Variants in QTGAL observed in about 807,000 individuals in gnomAD.
QTGAL encodes BGnT-like protein 1.
At chr17:82,994,188 T>C in the QTGAL span, among the ~76,000 whole-genome samples, 1 of 151,224 alleles carries the variant, frequency 6.6e-6, no homozygotes, top group Admixed American at 6.6e-5. Context: ...ATAAAGAAAA[T>C]ACAAAAGATC....
chr17:82,969,163 ATTTTG>A, the QTGAL span, among the ~76,000 whole-genome samples: 1 of 150,572 alleles, frequency 6.6e-6, no homozygotes, highest in Non-Finnish European at 1.5e-5. Context: ...AAGAAAATTT[ATTTTG>A]TTTTGTTTTG....
the QTGAL span, among the ~76,000 whole-genome samples, chr17:83,019,526 G>A: frequency 6.6e-6 from 1 of 152,210 alleles, no homozygotes; most frequent in African/African-American, 2.4e-5. Flanking sequence ...GTGGCAGCCA[G>A]AGGCTGGGGC....
the QTGAL span, among the ~76,000 whole-genome samples, chr17:82,997,943 A>ATATC: frequency 1.8e-4 from 27 of 148,404 alleles, no homozygotes; most frequent in East Asian, 1.6e-3. Flanking sequence ...ATATATATAT[A>ATATC]TATATCTATA....
the QTGAL span, among the ~76,000 whole-genome samples, chr17:83,003,192 C>G: frequency 3.1e-5 from 1 of 31,960 alleles, no homozygotes; most frequent in Admixed American, 2.8e-4. Context: ...CCGCCCTCCG[C>G]GTGTGGGATT....
the QTGAL span, among the ~76,000 whole-genome samples, chr17:82,953,849 G>A: frequency 3.3e-5 from 5 of 152,152 alleles, no homozygotes; most frequent in South Asian, 2.1e-4. Flanking sequence ...TTCAATATAC[G>A]CAAATCAATA....
the QTGAL span, chr17:82,946,920 A>C: frequency 6.4e-7 from 1 of 1,568,650 alleles, no homozygotes; most frequent in Non-Finnish European, 8.7e-7. Flanking sequence ...AAGTGAAGGA[A>C]GTCCTGGCCC....
the QTGAL span, among the ~76,000 whole-genome samples, chr17:82,982,402 C>A: frequency 6.6e-6 from 1 of 152,302 alleles, no homozygotes; most frequent in East Asian, 1.9e-4. Flanking sequence ...GGTCTTATGT[C>A]CAGAAGAAAA....
At chr17:82,988,838 A>G in the QTGAL span, among the ~76,000 whole-genome samples, 6 of 152,224 alleles carry the variant, frequency 3.9e-5, no homozygotes, top group Non-Finnish European at 5.9e-5. Context: ...CGATTTTTTA[A>G]AAATCAAGAA....
chr17:82,957,840 A>C, the QTGAL span, among the ~76,000 whole-genome samples: 14,620 of 152,214 alleles, frequency 0.096, 869 homozygotes, highest in South Asian at 0.24. Flanking sequence ...TTTGTCCATA[A>C]GGACACATGC....
the QTGAL span, among the ~76,000 whole-genome samples, chr17:82,973,088 C>T: frequency 1.3e-5 from 2 of 152,244 alleles, no homozygotes; most frequent in Non-Finnish European, 2.9e-5. Flanking sequence ...GCCATGTGCA[C>T]AGCCTTGGGG....
At chr17:83,037,975 C>G in the QTGAL span, among the ~76,000 whole-genome samples, 2 of 151,972 alleles carry the variant, frequency 1.3e-5, no homozygotes, top group African/African-American at 4.8e-5. This position sits in a 1 kb window ranked among gnomAD's most constrained non-coding sequence, Gnocchi z 5.2. Context: ...CACACGGCGG[C>G]GAGATATTAA....
chr17:82,980,757 C>T, the QTGAL span, among the ~76,000 whole-genome samples: 1 of 152,146 alleles, frequency 6.6e-6, no homozygotes, highest in Non-Finnish European at 1.5e-5. Flanking sequence ...TGGAAGTCCC[C>T]GAGGCTCGTC....
the QTGAL span, among the ~76,000 whole-genome samples, chr17:82,953,812 A>G: frequency 0.022 from 3,421 of 152,250 alleles, 150 homozygotes; most frequent in African/African-American, 0.078. Context: ...TGATCAAGTC[A>G]GCTTCATCCC....
At chr17:82,965,693 T>G in the QTGAL span, 1 of 1,612,392 alleles carries the variant, frequency 6.2e-7, no homozygotes, top group Non-Finnish European at 8.5e-7. Context: ...AGAACCACGC[T>G]CGCGAGCAGA....
chr17:82,968,464 T>A, the QTGAL span, among the ~76,000 whole-genome samples: 2 of 147,786 alleles, frequency 1.4e-5, no homozygotes, highest in Non-Finnish European at 3.0e-5. Flanking sequence ...CAGTCACCAG[T>A]GTGCACGGTG....
chr17:82,997,926 AAAAAAT>A, the QTGAL span, among the ~76,000 whole-genome samples: 7 of 97,494 alleles, frequency 7.2e-5, no homozygotes, highest in South Asian at 7.4e-4. Context: ...GGTTTAAAAA[AAAAAAT>A]ATATATATAT....
At chr17:82,956,190 G>GC in the QTGAL span, among the ~76,000 whole-genome samples, 1 of 151,726 alleles carries the variant, frequency 6.6e-6, no homozygotes, top group East Asian at 1.9e-4. This position sits in a 1 kb window ranked among gnomAD's most constrained non-coding sequence, Gnocchi z 5.7. Context: ...ACTCACCTCA[G>GC]CCCCCCGCAG....
the QTGAL span, chr17:83,034,960 T>A: frequency 7.8e-7 from 1 of 1,277,592 alleles, no homozygotes; most frequent in Non-Finnish European, 1.1e-6. Context: ...AGAACCGCAC[T>A]AAAATGTAAG....
chr17:83,033,043 G>A, the QTGAL span, among the ~76,000 whole-genome samples: 2 of 152,230 alleles, frequency 1.3e-5, no homozygotes, highest in Admixed American at 1.3e-4. Flanking sequence ...GCCTGGAGAC[G>A]CTGAGCGGCA....
Sources: gnomAD v4.1 joint callset for allele counts (sites outside exome capture counted in the v4.1 genomes callset) on GRCh38, gnomAD v4.1.1 for gene constraint, Gnocchi (gnomAD v3.1) non-coding constraint, MANE v1.5 for transcripts, NCBI Gene and HGNC (gene_info 2026-07-23, HGNC 2026-07-21) for gene names.